PKNOX2: variants seen among roughly 807,000 people sequenced by gnomAD.
The protein encoded by PKNOX2 is PBX/knotted 1 homeobox 2, also known as homeobox protein PKNOX2.
A neutral mutation model predicts 53.1 loss-of-function variants in PKNOX2; 14 were observed. That is an observed-to-expected ratio of 0.26 (90% confidence interval 0.17 to 0.41). The LOEUF is 0.41. PKNOX2 is among the 10% of genes least tolerant of loss of function. The probability of loss-of-function intolerance (pLI) is 1.00; values close to 1 mark genes in which losing one functional copy is unlikely to be tolerated. For missense variants in PKNOX2, 496 were observed against 602.8 expected, an observed-to-expected ratio of 0.82 and a Z score of 1.85; for synonymous variants, 257 against 242.8, an observed-to-expected ratio of 1.06 and a Z score of -0.54.
chr11:125,326,358 G>A (rs1949820305), intron 2 of PKNOX2, among the ~76,000 whole-genome samples: 1 of 152,196 alleles, frequency 6.6e-6, no homozygotes, highest in Non-Finnish European at 1.5e-5. Context: ...CTCACACAGG[G>A]GGTGTGCTTG....
At chr11:125,358,776 C>T (rs1208989732) in intron 4 of PKNOX2, among the ~76,000 whole-genome samples, 5 of 152,218 alleles carry the variant, frequency 3.3e-5, no homozygotes, top group African/African-American at 9.6e-5. Flanking sequence ...GATTTGGGAT[C>T]CCTGAGGCCT....
At chr11:125,376,411 C>T (rs1565510357) in intron 5 of PKNOX2, among the ~76,000 whole-genome samples, 1 of 152,186 alleles carries the variant, frequency 6.6e-6, no homozygotes, top group Non-Finnish European at 1.5e-5. Flanking sequence ...CCATCTGGTG[C>T]TTTCAAGGGG....
chr11:125,345,113 C>T (rs1213772695), intron 3 of PKNOX2, among the ~76,000 whole-genome samples: 1 of 152,158 alleles, frequency 6.6e-6, no homozygotes, highest in Non-Finnish European at 1.5e-5. Context: ...CTGCCTGAAT[C>T]CTCAGGGTCC....
intron 1 of PKNOX2, among the ~76,000 whole-genome samples, chr11:125,217,486 A>G (rs1164494226): frequency 6.6e-6 from 1 of 152,240 alleles, no homozygotes; most frequent in Non-Finnish European, 1.5e-5. Flanking sequence ...CCTCACTGCA[A>G]GGCCAGCTAC....
intron 2 of PKNOX2, among the ~76,000 whole-genome samples, chr11:125,299,052 G>A (rs561385559): frequency 1.3e-5 from 2 of 152,204 alleles, no homozygotes; most frequent in African/African-American, 4.8e-5. Context: ...CTCGGGTTTG[G>A]GGAGGCCTCT....
At chr11:125,220,127 GA>G (rs35239855) in intron 1 of PKNOX2, among the ~76,000 whole-genome samples, 6 of 151,636 alleles carry the variant, frequency 4.0e-5, no homozygotes, top group Non-Finnish European at 7.4e-5. Context: ...GTGTAAAAAG[GA>G]AAAAAATAAC....
intron 1 of PKNOX2, among the ~76,000 whole-genome samples, chr11:125,170,689 A>G (rs1482395630): frequency 1.3e-5 from 2 of 152,220 alleles, no homozygotes; most frequent in Admixed American, 1.3e-4. Flanking sequence ...CTATCTCACT[A>G]AAAACACATC....
At chr11:125,255,435 G>A (rs1944337320) in intron 2 of PKNOX2, among the ~76,000 whole-genome samples, 1 of 152,174 alleles carries the variant, frequency 6.6e-6, no homozygotes, top group South Asian at 2.1e-4. Flanking sequence ...AGTGGGTCCT[G>A]AGGCCCTTGA....
intron 1 of PKNOX2, among the ~76,000 whole-genome samples, chr11:125,233,626 A>G (rs1014011242): frequency 6.6e-6 from 1 of 152,204 alleles, no homozygotes; most frequent in African/African-American, 2.4e-5. Flanking sequence ...AGGCACCTCC[A>G]TGAGCTATGA....
At chr11:125,231,956 T>G (rs1942242489) in intron 1 of PKNOX2, among the ~76,000 whole-genome samples, 1 of 152,224 alleles carries the variant, frequency 6.6e-6, no homozygotes, top group South Asian at 2.1e-4. Context: ...CAGGGAAACA[T>G]GCTTTGAGCA....
chr11:125,202,671 G>T (rs559064329), intron 1 of PKNOX2, among the ~76,000 whole-genome samples: 2 of 152,256 alleles, frequency 1.3e-5, no homozygotes, highest in East Asian at 3.9e-4. Context: ...TGGAGTGCAG[G>T]GGGAGGAGCC....
intron 7 of PKNOX2, among the ~76,000 whole-genome samples, chr11:125,406,874 G>C (rs1033341656): frequency 7.6e-6 from 1 of 131,658 alleles, no homozygotes; most frequent in African/African-American, 2.9e-5. Context: ...ATTGCTAGAT[G>C]ATGGGTGAGG....
chr11:125,282,670 C>T (rs551862568), intron 2 of PKNOX2, among the ~76,000 whole-genome samples: 78 of 152,316 alleles, frequency 5.1e-4, no homozygotes, highest in East Asian at 1.2e-3. Context: ...TATAGGTATC[C>T]GGCTTTGTTT....
intron 4 of PKNOX2, among the ~76,000 whole-genome samples, chr11:125,355,418 A>C (rs1951551748): frequency 6.6e-6 from 1 of 152,108 alleles, no homozygotes; most frequent in Non-Finnish European, 1.5e-5. Context: ...TAACTACAGG[A>C]CCCCAATTTC....
intron 5 of PKNOX2, among the ~76,000 whole-genome samples, chr11:125,376,629 G>T (rs1038230005): frequency 6.6e-6 from 1 of 152,204 alleles, no homozygotes; most frequent in Non-Finnish European, 1.5e-5. Context: ...AGAACTTGAG[G>T]ATTGTGTCTC....
intron 1 of PKNOX2, among the ~76,000 whole-genome samples, chr11:125,225,041 A>T (rs1349602698): frequency 6.6e-6 from 1 of 152,186 alleles, no homozygotes; most frequent in African/African-American, 2.4e-5. Flanking sequence ...CTGAGATGCC[A>T]ATGACTGTTA....
intron 10 of PKNOX2, among the ~76,000 whole-genome samples, chr11:125,423,781 G>C (rs1956281168): frequency 6.6e-6 from 1 of 152,164 alleles, no homozygotes; most frequent in African/African-American, 2.4e-5. Flanking sequence ...ACTTATCAGG[G>C]ATGGGGATGG....
chr11:125,383,333 G>A (rs1402429477), intron 5 of PKNOX2, among the ~76,000 whole-genome samples: 2 of 151,774 alleles, frequency 1.3e-5, no homozygotes, highest in African/African-American at 2.4e-5. Context: ...TTCTCGGTAG[G>A]ACGTGGTGGC....
At chr11:125,299,524 G>T (rs1257212305) in intron 2 of PKNOX2, among the ~76,000 whole-genome samples, 2 of 152,180 alleles carry the variant, frequency 1.3e-5, no homozygotes, top group Non-Finnish European at 2.9e-5. Context: ...GGCATCAGGA[G>T]AGGTGGGTTT....
Sources: gnomAD v4.1 joint callset for allele counts (sites outside exome capture counted in the v4.1 genomes callset) on GRCh38, gnomAD v4.1.1 for gene constraint, MANE v1.5 for transcripts, NCBI Gene and HGNC (gene_info 2026-07-23, HGNC 2026-07-21) for gene names.